Variants in MCTP2 observed in about 807,000 individuals in gnomAD.
MCTP2 encodes the protein multiple C2 and transmembrane domain containing 2.
In MCTP2, 132 loss-of-function variants were observed where a neutral mutation model predicts 111.6. The ratio of observed to expected loss-of-function variants is 1.18; its 90% CI spans 1.03 to 1.37. MCTP2 has a LOEUF of 1.37. Among genes scored for constraint, MCTP2 ranks in the 40% most tolerant of loss-of-function variants. The pLI is 0.00. For synonymous variants in MCTP2, 395 were observed against 387.7 expected (o/e 1.02, Z -0.22); for missense variants, 1,183 against 1,067.9 (o/e 1.11, Z -1.50).
intron 10 of MCTP2, among the ~76,000 whole-genome samples, chr15:94,360,794 C>G (rs150737066): frequency 1.2e-4 from 18 of 151,134 alleles, no homozygotes; most frequent in African/African-American, 3.4e-4. Context: ...TGTTTATAAC[C>G]GAGACATATA....
At position 94,394,294 on chromosome 15, in the gene MCTP2, A is replaced by T. The variant is rs569255456; in HGVS notation, c.1789-4667A>T. On this transcript the variant is annotated intron_variant, in intron 14 of 22. Coordinates refer to ENST00000357742, the MANE Select transcript of MCTP2 (RefSeq NM_001385001.1). ...ATAAGTATCCTTCTGCTTGTATTGG[A>T]GGTGTATGGTGAAGATCAGAGTTGT... Among the ~76,000 whole-genome samples the T allele has an allele frequency of 7.2e-5, 11 of 151,960 alleles. No homozygotes were observed. In the South Asian group the frequency reaches 1.7e-3, roughly 23 times the overall value.
chr15:94,317,030 A>G (rs77328330), intron 4 of MCTP2, among the ~76,000 whole-genome samples: 3,711 of 151,686 alleles, frequency 0.024, 169 homozygotes, highest in African/African-American at 0.083. Context: ...CAGCTTGCTC[A>G]TTTTCTTGTC....
At chr15:94,343,942 A>G (rs552429393) in intron 7 of MCTP2, 1 of 152,302 alleles carries the variant, frequency 6.6e-6, no homozygotes, top group Non-Finnish European at 1.5e-5. Context: ...TGTAATTGTT[A>G]AAAAATATCA....
intron 1 of MCTP2, among the ~76,000 whole-genome samples, chr15:94,239,272 G>T (rs1159157393): frequency 6.6e-6 from 1 of 152,186 alleles, no homozygotes; most frequent in African/African-American, 2.4e-5. Context: ...TATGTATATA[G>T]ATATGCTTAG....
Position 94,409,447 on chromosome 15 carries a change from A to T in MCTP2, c.2085+7428A>T, listed in dbSNP as rs1370011721. Among the ~76,000 whole-genome samples, 4 of 152,056 alleles carry T rather than the reference A, an allele frequency of 2.6e-5. No homozygotes were observed. In the East Asian group the frequency reaches 7.7e-4, roughly 29 times the overall value. Reference sequence around the variant, plus strand: ...TACCTCAAGGCTATGATAATACTCAAATATGAATATATATATATTCCTATT... The same window carrying T: ...TACCTCAAGGCTATGATAATACTCATATATGAATATATATATATTCCTATT... On this transcript the variant is annotated intron_variant, in intron 17 of 22. Transcript: ENST00000357742.
At chr15:94,352,114 A>G (rs535255564) in intron 8 of MCTP2, among the ~76,000 whole-genome samples, 3 of 152,290 alleles carry the variant, frequency 2.0e-5, no homozygotes, top group African/African-American at 7.2e-5. Context: ...AGTCCATTTC[A>G]TGTATTCCAG....
chr15:94,344,230 G>A (rs1354883886), intron 7 of MCTP2, among the ~76,000 whole-genome samples: 1 of 152,184 alleles, frequency 6.6e-6, no homozygotes, highest in Non-Finnish European at 1.5e-5. Context: ...TCAATGCAAT[G>A]TAAGTGGATT....
rs763712383 is a variant in MCTP2, at chr15:94,385,414, T to C, written c.1686-9T>C. ...TTTTTGTGTATAATACATGGTATTT[T>C]TGTTACAGTCCCATTAAAGATATCC... On this transcript the variant is annotated splice_polypyrimidine_tract_variant and intron_variant, in intron 13 of 22. Transcript: ENST00000357742. 2.5e-5 allele frequency: 39 copies of C among 1,585,762 alleles called. No individual in the cohort carries two copies. The highest frequency in any genetic ancestry group is 3.3e-5 in the Non-Finnish European group (38 of 1,154,760).
chr15:94,404,907 C>T (rs184470035), intron 17 of MCTP2, among the ~76,000 whole-genome samples: 63 of 152,270 alleles, frequency 4.1e-4, no homozygotes, highest in African/African-American at 1.4e-3. Flanking sequence ...CACACACTGA[C>T]GGATGTTCTC....
intron 20 of MCTP2, among the ~76,000 whole-genome samples, chr15:94,463,387 C>T (rs998900487): frequency 1.3e-5 from 2 of 152,060 alleles, no homozygotes; most frequent in African/African-American, 2.4e-5. Context: ...CTTTTCTTCA[C>T]GTTTCATTTT....
intron 17 of MCTP2, among the ~76,000 whole-genome samples, chr15:94,434,870 T>C (rs1020548786): frequency 8.9e-5 from 8 of 89,680 alleles, no homozygotes; most frequent in Non-Finnish European, 7.3e-5. Context: ...TTTTTTTTTC[T>C]TTTTTTTTTG....
chr15:94,262,840 T>G (rs1242161641), intron 1 of MCTP2, among the ~76,000 whole-genome samples: 1 of 152,116 alleles, frequency 6.6e-6, no homozygotes, highest in Admixed American at 6.5e-5. Flanking sequence ...CCATGTAATT[T>G]TTATATTTTT....
chr15:94,311,764 T>G (rs761391378), intron 2 of MCTP2, among the ~76,000 whole-genome samples: 4 of 152,256 alleles, frequency 2.6e-5, no homozygotes, highest in Non-Finnish European at 5.9e-5. Flanking sequence ...GGAAGACTTA[T>G]CACATATTTG....
At chr15:94,247,195 CT>C (rs922553260) in intron 1 of MCTP2, among the ~76,000 whole-genome samples, 3 of 152,090 alleles carry the variant, frequency 2.0e-5, no homozygotes, top group Non-Finnish European at 4.4e-5. Flanking sequence ...TCTGTGGCAG[CT>C]TTTTCTCCTT....
chr15:94,350,271 G>A (rs1027307181), intron 8 of MCTP2, among the ~76,000 whole-genome samples: 1 of 152,160 alleles, frequency 6.6e-6, no homozygotes, highest in Admixed American at 6.5e-5. Flanking sequence ...AGGCAAGAGA[G>A]GTGCTCTGGG....
At chr15:94,280,576 G>GT (rs1459437071) in intron 1 of MCTP2, among the ~76,000 whole-genome samples, 10 of 150,904 alleles carry the variant, frequency 6.6e-5, no homozygotes, top group Non-Finnish European at 1.2e-4. Flanking sequence ...TTTTGTATGG[G>GT]TTTTTGTGTC....
At position 94,476,794 on chromosome 15, in the gene MCTP2, G is replaced by C. The variant is rs778100889; in HGVS notation, c.2568+1G>C. On this transcript the variant is annotated splice_donor_variant, in intron 22 of 22. Coordinates refer to ENST00000357742, the MANE Select transcript of MCTP2 (RefSeq NM_001385001.1). LOFTEE classifies it high-confidence loss of function. ...TAGGGTACCGTCTGATGTTCAAAAGGTATGTAATGAATGGTTACCACCAAC... is the reference window on the plus strand; with the variant it reads ...TAGGGTACCGTCTGATGTTCAAAAGCTATGTAATGAATGGTTACCACCAAC... 6.4e-7 allele frequency: 1 copy of C among 1,554,888 alleles called. No individual in the cohort carries two copies. The highest frequency in any genetic ancestry group is 8.9e-7 in the Non-Finnish European group (1 of 1,126,600).
chr15:94,309,140 C>T (rs1165419688), intron 2 of MCTP2, among the ~76,000 whole-genome samples: 3 of 152,254 alleles, frequency 2.0e-5, no homozygotes, highest in Admixed American at 2.0e-4. Flanking sequence ...ATACACCTTC[C>T]AGTTTTGACC....
chr15:94,448,192 G>A (rs1325717635), intron 19 of MCTP2, among the ~76,000 whole-genome samples: 2 of 152,140 alleles, frequency 1.3e-5, no homozygotes, highest in East Asian at 1.9e-4. Flanking sequence ...GTTTTGACTT[G>A]ATAACCTTTA....
Sources: gnomAD v4.1 joint callset for allele counts (sites outside exome capture counted in the v4.1 genomes callset) on GRCh38, gnomAD v4.1.1 for gene constraint, MANE v1.5 for transcripts, NCBI Gene and HGNC (gene_info 2026-07-23, HGNC 2026-07-21) for gene names.